The following ZMPSTE24 variants were observed in gnomAD, a reference collection of about 807,000 sequenced individuals.
ZMPSTE24 encodes the protein CAAX prenyl protease 1 homolog.
In ZMPSTE24, 48 loss-of-function variants were observed where a neutral mutation model predicts 56.7. The ratio of observed to expected loss-of-function variants is 0.85; its 90% CI spans 0.67 to 1.08. The LOEUF (loss-of-function observed/expected upper bound fraction) is 1.08, where lower values mean the gene tolerates loss of function less well. Among genes scored for constraint, ZMPSTE24 ranks in the 50% least tolerant of loss-of-function variants. The probability of loss-of-function intolerance (pLI) is 0.00; values close to 1 mark genes in which losing one functional copy is unlikely to be tolerated. For missense variants in ZMPSTE24, 503 were observed against 548.7 expected, an observed-to-expected ratio of 0.92 and a Z score of 0.83; for synonymous variants, 172 against 195.2, an observed-to-expected ratio of 0.88 and a Z score of 0.99.
intron 2 of ZMPSTE24, among the ~76,000 whole-genome samples, chr1:40,267,407 C>G (rs370089460): frequency 6.7e-6 from 1 of 148,606 alleles, no homozygotes; most frequent in African/African-American, 2.5e-5. Context: ...AGTTTATTGC[C>G]TTGCTGGAGT....
chr1:40,273,516 T>TAAAAAAAAAAAAAAAAAAAAAA (rs1205861105), intron 6 of ZMPSTE24, among the ~76,000 whole-genome samples: 2 of 10,584 alleles, frequency 1.9e-4, no homozygotes, highest in Non-Finnish European at 2.9e-4. Flanking sequence ...AAATTCTGTC[T>TAAAAAAAAAAAAAAAAAAAAAA]AAAAAAAAAA....
At chr1:40,283,473 C>T (rs1276339899) in intron 7 of ZMPSTE24, among the ~76,000 whole-genome samples, 1 of 151,862 alleles carries the variant, frequency 6.6e-6, no homozygotes, top group Non-Finnish European at 1.5e-5. Flanking sequence ...CCTCTGCACT[C>T]CAGCCTGGGT....
At chr1:40,266,714 G>A (rs151168215) in intron 2 of ZMPSTE24, among the ~76,000 whole-genome samples, 18 of 148,840 alleles carry the variant, frequency 1.2e-4, no homozygotes, top group African/African-American at 4.5e-4. Flanking sequence ...TATTAATGTG[G>A]TTCAAATTCC....
chr1:40,266,761 GTTTTTTTTTTTT>G (rs3075102), intron 2 of ZMPSTE24, among the ~76,000 whole-genome samples: 2 of 88,116 alleles, frequency 2.3e-5, no homozygotes, highest in Admixed American at 1.3e-4. Flanking sequence ...TTTCGAACAA[GTTTTTTTTTTTT>G]TTTTTTTTTT....
In ZMPSTE24 at chr1:40,258,237, G is replaced by T; in HGVS notation, c.-35G>T. 1 of 1,611,078 alleles carries T rather than the reference G, an allele frequency of 6.2e-7. No individual in the cohort carries two copies. The highest frequency in any genetic ancestry group is 8.5e-7 in the Non-Finnish European group (1 of 1,179,668). ...AGGGACGAGTGTCGGTGTGGCACCG[G>T]TGCACGCTGAAGGAGCCGGCGGAAC... On this transcript the variant is annotated 5_prime_UTR_variant, in exon 1 of 10. Transcript: ENST00000372759.
At chr1:40,268,963 C>T (rs1387692187) in intron 4 of ZMPSTE24, among the ~76,000 whole-genome samples, 9 of 150,462 alleles carry the variant, frequency 6.0e-5, no homozygotes, top group African/African-American at 1.5e-4. Context: ...GTAGTCCCAG[C>T]TACTCGAGAG....
chr1:40,262,391 T>C (rs1410856287), intron 2 of ZMPSTE24, among the ~76,000 whole-genome samples: 1 of 152,240 alleles, frequency 6.6e-6, no homozygotes, highest in African/African-American at 2.4e-5. Context: ...GCTATTGCTA[T>C]TAAGTAATCT....
At chr1:40,262,979 A>T in intron 2 of ZMPSTE24, 4 of 1,007,926 alleles carry the variant, frequency 4.0e-6, no homozygotes, top group Non-Finnish European at 4.7e-6. Context: ...AGGCAATTAG[A>T]TGAGGTAGAC....
intron 2 of ZMPSTE24, among the ~76,000 whole-genome samples, chr1:40,265,463 C>G (rs1307802531): frequency 1.3e-5 from 2 of 152,142 alleles, no homozygotes. Flanking sequence ...TGCCTGTAAT[C>G]CCAGCACTTT....
chr1:40,278,482 C>T (rs1468201395), intron 6 of ZMPSTE24, among the ~76,000 whole-genome samples: 3 of 133,240 alleles, frequency 2.3e-5, no homozygotes, highest in South Asian at 2.5e-4. Flanking sequence ...GGCGTGAACC[C>T]GGGAGGCGGA....
At chr1:40,280,954 G>T (rs1407403981) in intron 6 of ZMPSTE24, among the ~76,000 whole-genome samples, 1 of 152,134 alleles carries the variant, frequency 6.6e-6, no homozygotes, top group African/African-American at 2.4e-5. Context: ...TTTTCTTGAC[G>T]ATAATGGAAC....
chr1:40,276,310 G>C (rs1457273145), intron 6 of ZMPSTE24, among the ~76,000 whole-genome samples: 5 of 152,156 alleles, frequency 3.3e-5, no homozygotes, highest in Non-Finnish European at 7.3e-5. Flanking sequence ...GCACATAGAT[G>C]GTGTTCAGTG....
intron 6 of ZMPSTE24, among the ~76,000 whole-genome samples, chr1:40,273,516 T>TCAAAAAAAAA (rs1208318399): frequency 0.014 from 152 of 10,562 alleles, 36 homozygotes; most frequent in African/African-American, 0.034. Context: ...AAATTCTGTC[T>TCAAAAAAAAA]AAAAAAAAAA....
intron 2 of ZMPSTE24, among the ~76,000 whole-genome samples, chr1:40,264,103 G>A (rs1007377953): frequency 3.9e-5 from 6 of 152,164 alleles, no homozygotes; most frequent in African/African-American, 1.4e-4. Context: ...AGGCCGAGGT[G>A]GGGGCGGATT....
chr1:40,262,736 T>C, intron 2 of ZMPSTE24: 1 of 875,094 alleles, frequency 1.1e-6, no homozygotes, highest in South Asian at 2.5e-5. Context: ...TTCCCTCCAT[T>C]GCTTGGTAAG....
chr1:40,274,835 A>G (rs1347551867), intron 6 of ZMPSTE24, among the ~76,000 whole-genome samples: 1 of 152,158 alleles, frequency 6.6e-6, no homozygotes, highest in Admixed American at 6.6e-5. Context: ...AGAGAAGTGG[A>G]TACATTTGGG....
In ZMPSTE24 at chr1:40,267,690, A is replaced by G. The variant is rs1643569476; in HGVS notation, c.271-96A>G. On this transcript the variant is annotated intron_variant, in intron 2 of 9. Transcript: ENST00000372759. ...GGCCTCTTTTGTTTTTTTAATAGAG[A>G]TGATTATTTTGTCCTTTCTTTCTTT... is the stretch of plus-strand genomic sequence containing the variant. The G allele has an allele frequency of 1.1e-5, 11 of 1,006,440 alleles. 1 individual carries two copies. The highest frequency in any genetic ancestry group is 1.0e-4 in the South Asian group (8 of 76,278). The allele number at this position is 1,006,440 out of a possible 1,614,324, so 62.3% of individuals were successfully genotyped here.
chr1:40,288,736 A>G (rs868766357), intron 8 of ZMPSTE24, among the ~76,000 whole-genome samples: 1 of 152,190 alleles, frequency 6.6e-6, no homozygotes, highest in East Asian at 1.9e-4. Context: ...GTCAAACTCT[A>G]TAGTCCAAAC....
intron 1 of ZMPSTE24, among the ~76,000 whole-genome samples, 165 bp from the exon 2 acceptor site, chr1:40,260,674 C>G (rs1643487565): frequency 6.6e-6 from 1 of 152,144 alleles, no homozygotes; most frequent in Admixed American, 6.5e-5. Context: ...TTTTATTTTC[C>G]TGCATCAGTC....
Sources: gnomAD v4.1 joint callset for allele counts (sites outside exome capture counted in the v4.1 genomes callset) on GRCh38, gnomAD v4.1.1 for gene constraint, MANE v1.5 for transcripts, NCBI Gene and HGNC (gene_info 2026-07-23, HGNC 2026-07-21) for gene names.